SEL1L3: variants seen among roughly 807,000 people sequenced by gnomAD.
SEL1L3 encodes protein sel-1 homolog 3.
Under a neutral mutation model 142.8 loss-of-function variants are expected in SEL1L3, and 76 were observed. The observed-to-expected ratio is 0.53, with a 90% CI of 0.44 to 0.64. The LOEUF is 0.64. SEL1L3 is among the 30% of genes least tolerant of loss of function. The probability of loss-of-function intolerance (pLI) is 0.00; values close to 1 mark genes in which losing one functional copy is unlikely to be tolerated. For missense variants in SEL1L3, 1,262 were observed against 1,381.7 expected (o/e 0.91, Z 1.37); for synonymous variants, 504 against 519.6 (o/e 0.97, Z 0.41).
In SEL1L3 at chr4:25,757,704, A is replaced by G. The variant is rs1718086283; in HGVS notation, c.3170T>C (p.Ile1057Thr). ...GAAACCTACCAGGGCTGAGTGCAGG[A>G]TAGCACCCCAGAGAAGCCGCAAGTG... ...YLHLRLLWGA[I>T]LHSALIYFLG... Residue 1057 changes from isoleucine to threonine, a missense_variant, in exon 22 of 24, where the codon ATC (isoleucine) becomes ACC (threonine). Coordinates refer to ENST00000399878, the MANE Select transcript of SEL1L3 (RefSeq NM_015187.5). The G allele has an allele frequency of 1.3e-6, 2 of 1,594,382 alleles. No individual in the cohort carries two copies. Among genetic ancestry groups the G allele is most frequent in the Admixed American group, 1.7e-5 (1 of 57,180 alleles).
chr4:25,803,323 G>A (rs1250734969), intron 10 of SEL1L3, among the ~76,000 whole-genome samples: 1 of 152,228 alleles, frequency 6.6e-6, no homozygotes, highest in Non-Finnish European at 1.5e-5. Flanking sequence ...CGGGACTCAG[G>A]AAAACATGCT....
intron 9 of SEL1L3, among the ~76,000 whole-genome samples, chr4:25,809,889 G>A (rs1230951149): frequency 2.6e-5 from 4 of 152,206 alleles, no homozygotes; most frequent in South Asian, 4.1e-4. Context: ...CACTCTCTGC[G>A]TTTTAAGGTC....
intron 20 of SEL1L3, among the ~76,000 whole-genome samples, chr4:25,761,922 A>C (rs1162158553): frequency 2.0e-5 from 3 of 152,206 alleles, no homozygotes; most frequent in African/African-American, 7.2e-5. Flanking sequence ...GCATGCTATC[A>C]TGTAGTCATA....
the SEL1L3 span, among the ~76,000 whole-genome samples, chr4:25,725,883 G>A: frequency 1.3e-5 from 2 of 152,256 alleles, no homozygotes; most frequent in African/African-American, 2.4e-5. Context: ...AGGACCACCA[G>A]AAGTCACTTT....
rs983847338 is a variant in SEL1L3, at chr4:25,756,741, G to A, written c.3259+793C>T. 8.1e-6 allele frequency: 9 copies of A among 1,115,440 alleles called. No individual in the cohort carries two copies. In the East Asian group the frequency reaches 2.0e-4, roughly 25 times the overall value. The allele number at this position is 1,115,440 out of a possible 1,614,324, so 69.1% of individuals were successfully genotyped here. The stretch of plus-strand genomic sequence containing the variant: ...ATGCTCAGCTAAATGCCCACTTTAC[G>A]ATTCCTGCTCAGTCCCTCCCTCTGA... On this transcript the variant is annotated intron_variant, in intron 23 of 23. Coordinates refer to ENST00000399878, the MANE Select transcript of SEL1L3 (RefSeq NM_015187.5).
chr4:25,791,904 C>T lies in SEL1L3; in HGVS notation c.1957-1330G>A, dbSNP rs188571775. Among the ~76,000 whole-genome samples the T allele has an allele frequency of 1.2e-4, 18 of 149,342 alleles. No individual in the cohort carries two copies. The East Asian group carries it at 3.3e-3, about 27-fold the overall frequency. On this transcript the variant is annotated intron_variant, in intron 11 of 23. Coordinates refer to ENST00000399878, the MANE Select transcript of SEL1L3 (RefSeq NM_015187.5). Reference sequence around the variant, plus strand: ...CTCCAGCCTGGCGGACAGAGCGAGACTCAGTCTAAAAAAAAAAAAAAAAGT... The same window carrying T: ...CTCCAGCCTGGCGGACAGAGCGAGATTCAGTCTAAAAAAAAAAAAAAAAGT...
At chr4:25,821,313 G>A (rs1714737354) in intron 7 of SEL1L3, among the ~76,000 whole-genome samples, 1 of 152,194 alleles carries the variant, frequency 6.6e-6, no homozygotes, top group Non-Finnish European at 1.5e-5. Context: ...GGGAATGACA[G>A]AATGTTTCTC....
intron 9 of SEL1L3, among the ~76,000 whole-genome samples, chr4:25,810,902 C>T (rs2109239281): frequency 6.6e-6 from 1 of 152,310 alleles, no homozygotes; most frequent in East Asian, 1.9e-4. Flanking sequence ...AATTCAAAGG[C>T]GTGCCCGCTC....
intron 6 of SEL1L3, among the ~76,000 whole-genome samples, chr4:25,827,767 G>A (rs931879092): frequency 2.6e-5 from 4 of 152,210 alleles, no homozygotes; most frequent in Non-Finnish European, 5.9e-5. Context: ...CTCTTACAAA[G>A]AAAATGAAAA....
At chr4:25,720,222 G>A in the SEL1L3 span, 3 of 152,174 alleles carry the variant, frequency 2.0e-5, no homozygotes, top group Non-Finnish European at 2.9e-5. Context: ...CTCATGGCAG[G>A]GGTAGTAGTA....
intron 5 of SEL1L3, among the ~76,000 whole-genome samples, chr4:25,832,385 T>C (rs1390677945): frequency 6.6e-6 from 1 of 152,214 alleles, no homozygotes; most frequent in Non-Finnish European, 1.5e-5. Context: ...AGAACTGTCT[T>C]CAATTAGAAC....
rs78814410 is a variant in SEL1L3 at position 25,806,991 on chromosome 4, C to T, written c.1565-2239G>A. Among the ~76,000 whole-genome samples, 654 of 152,254 alleles carry T rather than the reference C, an allele frequency of 4.3e-3. 3 individuals carry two copies. Among genetic ancestry groups the T allele is most frequent in the South Asian group, 0.015 (73 of 4,822 alleles). On this transcript the variant is annotated intron_variant, in intron 9 of 23. Coordinates refer to ENST00000399878, the MANE Select transcript of SEL1L3 (RefSeq NM_015187.5). The stretch of plus-strand genomic sequence containing the variant: ...TATGTAGGCTTTGGCACTCTTCCTT[C>T]GTATATACAATAATTCGTATCCAAA...
At chr4:25,831,522 T>TAATAATAATA (rs1715444610) in intron 5 of SEL1L3, among the ~76,000 whole-genome samples, 1 of 139,348 alleles carries the variant, frequency 7.2e-6, no homozygotes. Context: ...TTATTATTAT[T>TAATAATAATA]ATTATTATTA....
At chr4:25,738,707 C>G in the SEL1L3 span, among the ~76,000 whole-genome samples, 1 of 152,152 alleles carries the variant, frequency 6.6e-6, no homozygotes, top group African/African-American at 2.4e-5. Flanking sequence ...TAATCATTGT[C>G]TTCAGTTCAT....
chr4:25,779,457 T>C (rs532403820), intron 15 of SEL1L3, among the ~76,000 whole-genome samples: 1 of 152,332 alleles, frequency 6.6e-6, no homozygotes, highest in African/African-American at 2.4e-5. Flanking sequence ...ATGAATACCA[T>C]TGCCATCTCA....
intron 23 of SEL1L3, among the ~76,000 whole-genome samples, chr4:25,749,397 T>G (rs1717444456): frequency 6.6e-6 from 1 of 151,998 alleles, no homozygotes; most frequent in Non-Finnish European, 1.5e-5. Context: ...AATGTGTAAA[T>G]GTAGAAAGAA....
intron 1 of SEL1L3, among the ~76,000 whole-genome samples, chr4:25,850,883 CTCTG>C (rs1292129428): frequency 6.6e-6 from 1 of 151,472 alleles, no homozygotes; most frequent in African/African-American, 2.4e-5. Flanking sequence ...TGGAGTCTCA[CTCTG>C]TCATCCAGGC....
chr4:25,730,185 C>T, the SEL1L3 span, among the ~76,000 whole-genome samples: 109 of 152,238 alleles, frequency 7.2e-4, no homozygotes, highest in African/African-American at 2.3e-3. Flanking sequence ...CCGCCCACCT[C>T]GGCCTCCCAA....
intron 11 of SEL1L3, among the ~76,000 whole-genome samples, chr4:25,801,381 G>A (rs897308556): frequency 6.6e-6 from 1 of 152,136 alleles, no homozygotes; most frequent in Non-Finnish European, 1.5e-5. Context: ...CCAGCCTGGT[G>A]GACAGAGTGA....
Sources: allele counts gnomAD v4.1 joint callset (sites outside exome capture counted in the v4.1 genomes callset), GRCh38; gene constraint gnomAD v4.1.1; transcripts MANE v1.5; gene names NCBI Gene and HGNC (gene_info 2026-07-23, HGNC 2026-07-21).